PHACTR1: variants seen among roughly 807,000 people sequenced by gnomAD.
PHACTR1 encodes the protein RPEL repeat containing 1.
In PHACTR1, 16 loss-of-function variants were observed where a neutral mutation model predicts 69.2. The observed-to-expected ratio is 0.23, with a 90% CI of 0.16 to 0.35. The LOEUF (loss-of-function observed/expected upper bound fraction) is 0.35. Among genes scored for constraint, PHACTR1 ranks in the 10% least tolerant of loss-of-function variants. PHACTR1 has a pLI of 1.00. For missense variants in PHACTR1, 510 were observed against 734.7 expected (o/e 0.69, Z 3.54); for synonymous variants, 312 against 284.5 (o/e 1.10, Z -0.97).
At chr6:12,827,610 A>G (rs906551315) in intron 4 of PHACTR1, among the ~76,000 whole-genome samples, 5 of 152,212 alleles carry the variant, frequency 3.3e-5, no homozygotes, top group African/African-American at 4.8e-5. Context: ...AAGGCAACAT[A>G]TATCCTCACA....
chr6:12,742,542 T>G (rs1669274921), intron 3 of PHACTR1, among the ~76,000 whole-genome samples: 1 of 152,184 alleles, frequency 6.6e-6, no homozygotes, highest in African/African-American at 2.4e-5. Flanking sequence ...TATCTCTTCC[T>G]GTGACTTAGA....
At chr6:13,171,190 C>T (rs1198314752) in intron 6 of PHACTR1, among the ~76,000 whole-genome samples, 1 of 151,068 alleles carries the variant, frequency 6.6e-6, no homozygotes, top group African/African-American at 2.4e-5. Flanking sequence ...CCCACTTCCG[C>T]CCAAGTAGAG....
At position 13,283,574 on chromosome 6, in the gene PHACTR1, G is replaced by C. The variant is rs931718818; in HGVS notation, c.1650+12G>C. 6.2e-7 allele frequency: 1 copy of C among 1,613,654 alleles called. No homozygotes were observed. The highest frequency in any genetic ancestry group is 1.3e-5 in the African/African-American group (1 of 74,932). On this transcript the variant is annotated intron_variant, in intron 13 of 14. Coordinates refer to ENST00000332995, the MANE Select transcript of PHACTR1 (RefSeq NM_030948.6). The surrounding 1 kb of genome is among the most constrained non-coding windows in gnomAD (Gnocchi z 4.7). ...CCGCTGCAGACAAAGTAAGCAGAGG[G>C]GAGTGCTGGAGAGTGGGAGGCAGGA...
chr6:12,979,057 T>C (rs1795203914), intron 4 of PHACTR1, among the ~76,000 whole-genome samples: 1 of 152,192 alleles, frequency 6.6e-6, no homozygotes, highest in Non-Finnish European at 1.5e-5. Context: ...TAAGGCCCTT[T>C]CTTTAGAAGA....
chr6:13,076,811 T>A lies in PHACTR1; in HGVS notation c.415+23282T>A, dbSNP rs377731596. Among the ~76,000 whole-genome samples, 4 of 151,738 alleles carry A rather than the reference T, an allele frequency of 2.6e-5. No individual in the cohort carries two copies. The East Asian group carries it at 5.8e-4, about 22-fold the overall frequency. On this transcript the variant is annotated intron_variant, in intron 5 of 14. Transcript: ENST00000332995. The stretch of plus-strand genomic sequence containing the variant: ...AGTCATAGCGTTAAGGAGAAGCATG[T>A]CCAAAAGGAATGATAGAAGGAACTT...
At chr6:12,910,693 GC>G (rs748658566) in intron 4 of PHACTR1, among the ~76,000 whole-genome samples, 14 of 152,274 alleles carry the variant, frequency 9.2e-5, no homozygotes, top group Non-Finnish European at 1.6e-4. Flanking sequence ...TCTACTGGAT[GC>G]CCACTATGAG....
intron 5 of PHACTR1, among the ~76,000 whole-genome samples, chr6:13,128,779 C>A (rs923320815): frequency 6.6e-6 from 1 of 152,024 alleles, no homozygotes; most frequent in African/African-American, 2.4e-5. Context: ...ATCTAGACAT[C>A]CAAATACAAA....
At chr6:12,995,090 G>T (rs1169283580) in intron 4 of PHACTR1, among the ~76,000 whole-genome samples, 5 of 151,998 alleles carry the variant, frequency 3.3e-5, no homozygotes, top group Non-Finnish European at 5.9e-5. Flanking sequence ...AACAATGATG[G>T]AATGTTTTCT....
chr6:12,905,236 G>A (rs1242609909), intron 4 of PHACTR1, among the ~76,000 whole-genome samples: 1 of 152,190 alleles, frequency 6.6e-6, no homozygotes, highest in African/African-American at 2.4e-5. Context: ...TGCAGGACCA[G>A]TGTCCTCATA....
chr6:13,073,598 T>C (rs1156938455), intron 5 of PHACTR1, among the ~76,000 whole-genome samples: 1 of 152,006 alleles, frequency 6.6e-6, no homozygotes, highest in Non-Finnish European at 1.5e-5. Flanking sequence ...CGCTTCAGCC[T>C]CCCGAAGTTC....
At chr6:13,137,738 G>A (rs989731900) in intron 5 of PHACTR1, among the ~76,000 whole-genome samples, 3 of 152,220 alleles carry the variant, frequency 2.0e-5, no homozygotes, top group Non-Finnish European at 4.4e-5. Flanking sequence ...AGAGAGTCTT[G>A]TTTCTCCAGA....
At chr6:12,990,356 G>T (rs1196035143) in intron 4 of PHACTR1, among the ~76,000 whole-genome samples, 2 of 152,162 alleles carry the variant, frequency 1.3e-5, no homozygotes, top group Non-Finnish European at 2.9e-5. Flanking sequence ...GCCCTGTTGA[G>T]ACTGAAGAGT....
At chr6:13,118,755 C>T (rs1012057242) in intron 5 of PHACTR1, among the ~76,000 whole-genome samples, 5 of 152,174 alleles carry the variant, frequency 3.3e-5, no homozygotes, top group Admixed American at 6.5e-5. Context: ...GGGATTACGG[C>T]GTGAGCCACT....
intron 6 of PHACTR1, among the ~76,000 whole-genome samples, chr6:13,162,190 C>A (rs1759128164): frequency 6.6e-6 from 1 of 152,148 alleles, no homozygotes; most frequent in African/African-American, 2.4e-5. Flanking sequence ...ACCTCCGCCT[C>A]CTGGGTTCCA....
chr6:12,835,119 A>C (rs1778017764), intron 4 of PHACTR1, among the ~76,000 whole-genome samples: 1 of 152,126 alleles, frequency 6.6e-6, no homozygotes, highest in African/African-American at 2.4e-5. Flanking sequence ...TCCCAAATGG[A>C]GAGAACCTGA....
intron 5 of PHACTR1, among the ~76,000 whole-genome samples, chr6:13,153,905 C>G (rs919955567): frequency 6.6e-6 from 1 of 152,124 alleles, no homozygotes; most frequent in Non-Finnish European, 1.5e-5. Context: ...TTATTAATTT[C>G]TTAGTCTGCT....
intron 11 of PHACTR1, chr6:13,274,530 G>A (rs1778480913): frequency 6.6e-6 from 1 of 152,220 alleles, no homozygotes; most frequent in South Asian, 2.1e-4. Context: ...TGCTGTACTT[G>A]TGGCCTCTGA....
intron 5 of PHACTR1, among the ~76,000 whole-genome samples, chr6:13,093,601 T>C (rs1428511951): frequency 6.6e-6 from 1 of 152,186 alleles, no homozygotes; most frequent in African/African-American, 2.4e-5. Flanking sequence ...TCAGTACAAA[T>C]AAGGTATTCA....
intron 10 of PHACTR1, among the ~76,000 whole-genome samples, chr6:13,253,731 G>A (rs1172075953): frequency 1.3e-5 from 2 of 152,240 alleles, no homozygotes; most frequent in East Asian, 1.9e-4. Flanking sequence ...GGCATGTTCG[G>A]TGGGTGTATC....
Sources: gnomAD v4.1 joint callset for allele counts (sites outside exome capture counted in the v4.1 genomes callset) on GRCh38, gnomAD v4.1.1 for gene constraint, Gnocchi (gnomAD v3.1) non-coding constraint, MANE v1.5 for transcripts, NCBI Gene and HGNC (gene_info 2026-07-23, HGNC 2026-07-21) for gene names.